CBR4: variants seen among roughly 807,000 people sequenced by gnomAD.
The protein encoded by CBR4 is 3-oxoacyl-[acyl-carrier-protein] reductase.
In CBR4, 22 loss-of-function variants were observed where a neutral mutation model predicts 21.0. That is an observed-to-expected ratio of 1.05 (90% CI 0.75 to 1.50). The LOEUF is 1.50. Ranked by LOEUF, CBR4 falls within the 40% of genes most tolerant of loss-of-function variation. The pLI, the probability that CBR4 is intolerant of heterozygous loss-of-function variation, is 0.00. For missense variants in CBR4, 302 were observed against 286.3 expected, an observed-to-expected ratio of 1.05 and a Z score of -0.40; for synonymous variants, 100 against 104.4, an observed-to-expected ratio of 0.96 and a Z score of 0.26.
chr4:168,957,104 T>C (rs529468479), intron 2 of CBR4, among the ~76,000 whole-genome samples: 2 of 152,296 alleles, frequency 1.3e-5, no homozygotes, highest in African/African-American at 4.8e-5. Context: ...AGATGAGGCA[T>C]AGATTTCCAT....
intron 4 of CBR4, among the ~76,000 whole-genome samples, chr4:168,997,073 T>G (rs1272032338): frequency 7.0e-6 from 1 of 143,856 alleles, no homozygotes; most frequent in African/African-American, 2.5e-5. Context: ...ACTTCATTTA[T>G]AAAATTCTGG....
At chr4:168,924,879 G>T (rs1390593497) in intron 2 of CBR4, 29 of 1,505,480 alleles carry the variant, frequency 1.9e-5, no homozygotes, top group Non-Finnish European at 2.7e-5. Context: ...AATTAAAAAT[G>T]ATGCTTCATG....
In CBR4 at chr4:168,977,166, C is replaced by T. The variant is rs182860902; in HGVS notation, n.169+24905G>A. ...CCAGACCCTGTTCTGTCCATCTAAG[C>T]GGGAGCTGCACATTAGTCCTGTCTC... On this transcript the variant is annotated intron_variant and non_coding_transcript_variant, in intron 2 of 3. Transcript: ENST00000509108. Among the ~76,000 whole-genome samples the T allele has an allele frequency of 2.3e-4, 35 of 152,042 alleles. No homozygotes were observed. In the East Asian group the frequency reaches 2.9e-3, roughly 13 times the overall value.
At chr4:168,966,670 G>A (rs1202753764) in intron 2 of CBR4, among the ~76,000 whole-genome samples, 1 of 152,170 alleles carries the variant, frequency 6.6e-6, no homozygotes. Flanking sequence ...TCTAGAACCA[G>A]AAATTCCATT....
Position 168,931,861 on chromosome 4 carries a change from A to G in CBR4, n.170-37096T>C, listed in dbSNP as rs564676843. 5.4e-4 allele frequency among the ~76,000 whole-genome samples: 82 copies of G among 152,292 alleles called. 1 individual carries two copies. The highest frequency in any genetic ancestry group is 1.2e-3 in the Admixed American group (19 of 15,296). On this transcript the variant is annotated intron_variant and non_coding_transcript_variant, in intron 2 of 3. Coordinates refer to the CBR4 transcript ENST00000509108. The stretch of plus-strand genomic sequence containing the variant: ...GATTACAGCTGAAGAATCTGCACAG[A>G]CACTACAGTACTGCATCCACCTAGA...
intron 2 of CBR4, among the ~76,000 whole-genome samples, chr4:168,943,788 T>G (rs1763325948): frequency 6.6e-6 from 1 of 152,122 alleles, no homozygotes; most frequent in African/African-American, 2.4e-5. Flanking sequence ...CACGCACCTG[T>G]AGTCCCAGCT....
At chr4:169,007,868 A>G (rs770460192) in intron 1 of CBR4, 112 bp from the exon 2 acceptor site, 19 of 633,778 alleles carry the variant, frequency 3.0e-5, no homozygotes, top group Non-Finnish European at 4.5e-5. Context: ...TCTAGAACCT[A>G]AAGATTAAAA....
At chr4:169,004,373 A>G (rs1483695435) in intron 3 of CBR4, among the ~76,000 whole-genome samples, 1 of 152,242 alleles carries the variant, frequency 6.6e-6, no homozygotes, top group Non-Finnish European at 1.5e-5. Context: ...AATTTGCCAC[A>G]TTGATTGACT....
chr4:169,001,924 T>C, intron 4 of CBR4, 147 bp downstream of exon 4: 1 of 778,452 alleles, frequency 1.3e-6, no homozygotes, highest in East Asian at 3.2e-5. Flanking sequence ...AAAAAATTTT[T>C]TTGAGTCCCC....
intron 2 of CBR4, among the ~76,000 whole-genome samples, chr4:168,902,934 G>C (rs1481366860): frequency 6.6e-6 from 1 of 151,892 alleles, no homozygotes; most frequent in Non-Finnish European, 1.5e-5. Context: ...ACCACACCCA[G>C]ATAATTTTTT....
At chr4:168,896,741 C>G (rs1755267277) in intron 2 of CBR4, 1 of 598,196 alleles carries the variant, frequency 1.7e-6, no homozygotes, top group South Asian at 2.2e-5. Flanking sequence ...CATTTAATAT[C>G]AGATACACAA....
intron 2 of CBR4, among the ~76,000 whole-genome samples, chr4:168,922,267 T>C (rs1213723573): frequency 6.6e-6 from 1 of 152,208 alleles, no homozygotes; most frequent in African/African-American, 2.4e-5. Context: ...TGAAGTCTTA[T>C]GCTTTGAGAA....
At chr4:168,970,236 AAT>A (rs2126753718) in intron 2 of CBR4, among the ~76,000 whole-genome samples, 1 of 152,276 alleles carries the variant, frequency 6.6e-6, no homozygotes, top group Admixed American at 6.5e-5. Flanking sequence ...ACTTAATTTT[AAT>A]ATAGTCAATT....
rs144311723 is a variant in CBR4 at position 168,978,046 on chromosome 4, A to T, written n.169+24025T>A. On this transcript the variant is annotated intron_variant and non_coding_transcript_variant, in intron 2 of 3. Coordinates refer to the CBR4 transcript ENST00000509108. ...TACATCATGTATCCTCCTACTTGAA[A>T]TCTTTCAATACTTCTTAGGATAAAG... Among the ~76,000 whole-genome samples, 39 of 152,314 alleles carry T rather than the reference A, an allele frequency of 2.6e-4. 1 individual carries two copies. The highest frequency in any genetic ancestry group is 8.7e-4 in the African/African-American group (36 of 41,556).
At chr4:168,938,246 A>T (rs565437128) in intron 2 of CBR4, among the ~76,000 whole-genome samples, 1 of 152,226 alleles carries the variant, frequency 6.6e-6, no homozygotes, top group Non-Finnish European at 1.5e-5. Flanking sequence ...GCAGAAATAA[A>T]TAAGTTCTTT....
Position 169,009,293 on chromosome 4 carries a change from C to A in CBR4, c.142+655G>T, listed in dbSNP as rs6845932. 1.8e-3 allele frequency among the ~76,000 whole-genome samples: 279 copies of A among 152,238 alleles called. 2 individuals carry two copies. Among genetic ancestry groups the A allele is most frequent in the African/African-American group, 6.5e-3 (270 of 41,534 alleles). ...CATAATAAGCCGGAAATAAAAAACC[C>A]TGAAGTTTAAATGCAATAAAAAAGA... On this transcript the variant is annotated intron_variant, in intron 1 of 4. Coordinates refer to ENST00000306193, the MANE Select transcript of CBR4 (RefSeq NM_032783.5).
In CBR4 at chr4:169,005,993, T is replaced by G. The variant is rs1730881337; in HGVS notation, c.400+762A>C. The stretch of plus-strand genomic sequence containing the variant: ...CAAATTACCAAACTGAAATAAAATT[T>G]CAAGTCATTTTGCATTTTAAGTTCT... On this transcript the variant is annotated intron_variant, in intron 3 of 4. Transcript: ENST00000306193. 4 of 1,010,686 alleles carry G rather than the reference T, an allele frequency of 4.0e-6. No individual in the cohort carries two copies. The South Asian group carries it at 4.0e-5, about 10-fold the overall frequency. The allele number at this position is 1,010,686 out of a possible 1,614,324, so 62.6% of individuals were successfully genotyped here. A position where few individuals can be genotyped will look rare whatever the true frequency, so the allele number is the denominator to read the frequency against.
chr4:168,958,076 C>G (rs1763740301), intron 2 of CBR4, among the ~76,000 whole-genome samples: 3 of 152,104 alleles, frequency 2.0e-5, no homozygotes, highest in Admixed American at 2.0e-4. Context: ...ACCAGCCTGG[C>G]CAACATGGTG....
At chr4:168,925,882 TA>T (rs1762489265) in intron 2 of CBR4, among the ~76,000 whole-genome samples, 1 of 151,970 alleles carries the variant, frequency 6.6e-6, no homozygotes, top group Non-Finnish European at 1.5e-5. Flanking sequence ...TTAGAGAAAA[TA>T]TTTTTTAAAA....
Sources: gnomAD v4.1 joint callset for allele counts (sites outside exome capture counted in the v4.1 genomes callset) on GRCh38, gnomAD v4.1.1 for gene constraint, MANE v1.5 for transcripts, NCBI Gene and HGNC (gene_info 2026-07-23, HGNC 2026-07-21) for gene names.